The following ADGRB3 variants were observed in gnomAD, a reference collection of about 807,000 sequenced individuals.
The protein encoded by ADGRB3 is brain-specific angiogenesis inhibitor 3.
In ADGRB3, 37 loss-of-function variants were observed where a neutral mutation model predicts 193.4. That is an observed-to-expected ratio of 0.19 (90% confidence interval 0.15 to 0.25). The LOEUF is 0.25. Ranked by LOEUF, ADGRB3 falls within the 10% of genes least tolerant of loss-of-function variation. The pLI, the probability that ADGRB3 is intolerant of heterozygous loss-of-function variation, is 1.00. For synonymous variants in ADGRB3, 690 were observed against 644.2 expected, an observed-to-expected ratio of 1.07 and a Z score of -1.08; for missense variants, 1,637 against 1,852.9, an observed-to-expected ratio of 0.88 and a Z score of 2.14.
intron 3 of ADGRB3, among the ~76,000 whole-genome samples, chr6:68,896,127 G>C (rs541585855): frequency 6.6e-6 from 1 of 152,194 alleles, no homozygotes; most frequent in Non-Finnish European, 1.5e-5. Context: ...AGGAGTAGGA[G>C]GATAGGAATT....
At chr6:69,180,530 G>C (rs923775808) in intron 17 of ADGRB3, among the ~76,000 whole-genome samples, 10 of 152,200 alleles carry the variant, frequency 6.6e-5, no homozygotes, top group Non-Finnish European at 1.0e-4. Context: ...TGAATGCCTG[G>C]AGATCTGCCT....
chr6:69,187,508 T>C (rs191620669), intron 17 of ADGRB3, among the ~76,000 whole-genome samples: 1 of 152,332 alleles, frequency 6.6e-6, no homozygotes, highest in Admixed American at 6.5e-5. Context: ...TGAAATTATG[T>C]GACTTCTGTG....
chr6:68,976,302 T>G (rs1768746217), intron 10 of ADGRB3, among the ~76,000 whole-genome samples: 1 of 152,210 alleles, frequency 6.6e-6, no homozygotes, highest in South Asian at 2.1e-4. Context: ...GAAAAGCATT[T>G]TTTTAAAATC....
At chr6:69,065,764 TAC>T (rs3043304) in intron 16 of ADGRB3, among the ~76,000 whole-genome samples, 39,580 of 129,016 alleles carry the variant, frequency 0.31, 5,661 homozygotes, top group Middle Eastern at 0.42. Flanking sequence ...TGTATATATA[TAC>T]ACACACACAC....
chr6:69,244,224 C>A (rs913595591), intron 20 of ADGRB3, among the ~76,000 whole-genome samples: 2 of 151,686 alleles, frequency 1.3e-5, no homozygotes, highest in Admixed American at 6.6e-5. Flanking sequence ...ATTATGTTTT[C>A]TTCTACTTCA....
At chr6:69,104,186 C>G (rs138008386) in intron 17 of ADGRB3, among the ~76,000 whole-genome samples, 4 of 130,400 alleles carry the variant, frequency 3.1e-5, no homozygotes, top group African/African-American at 1.1e-4. Flanking sequence ...TCCCTCCCCC[C>G]TCCCCCGACC....
At chr6:69,221,001 T>C (rs1027477192) in intron 17 of ADGRB3, among the ~76,000 whole-genome samples, 4 of 152,040 alleles carry the variant, frequency 2.6e-5, no homozygotes, top group African/African-American at 9.7e-5. Context: ...GGACAAGCTG[T>C]ATATTTGTCT....
At chr6:69,112,664 A>G (rs569496725) in intron 17 of ADGRB3, among the ~76,000 whole-genome samples, 60 of 152,328 alleles carry the variant, frequency 3.9e-4, no homozygotes, top group African/African-American at 1.4e-3. Flanking sequence ...AAAATTAAAC[A>G]AAAATAAAAA....
At chr6:68,962,783 T>C (rs1768271569) in intron 8 of ADGRB3, among the ~76,000 whole-genome samples, 1 of 152,192 alleles carries the variant, frequency 6.6e-6, no homozygotes, top group African/African-American at 2.4e-5. Context: ...ATCTGAATAT[T>C]GGTCTTTGAT....
chr6:68,968,299 G>A (rs1768450749), intron 8 of ADGRB3, among the ~76,000 whole-genome samples: 2 of 152,118 alleles, frequency 1.3e-5, no homozygotes, highest in South Asian at 2.1e-4. Flanking sequence ...ACATTTGACC[G>A]TGGGGGAGGG....
intron 17 of ADGRB3, among the ~76,000 whole-genome samples, chr6:69,079,635 G>A (rs1772330909): frequency 6.6e-6 from 1 of 151,940 alleles, no homozygotes. Flanking sequence ...GAAGTTATAT[G>A]TTCTTTTAAA....
At chr6:69,337,853 C>CT (rs1459253067) in intron 24 of ADGRB3, among the ~76,000 whole-genome samples, 1 of 152,122 alleles carries the variant, frequency 6.6e-6, no homozygotes, top group Non-Finnish European at 1.5e-5. Context: ...TCTTCTGCCA[C>CT]TTTTTTTATA....
intron 3 of ADGRB3, among the ~76,000 whole-genome samples, chr6:68,765,083 G>T (rs139236332): frequency 1.3e-5 from 2 of 151,974 alleles, no homozygotes; most frequent in South Asian, 2.1e-4. Flanking sequence ...AGATTCTCAG[G>T]GTTCATGTGA....
chr6:69,003,243 T>A (rs1769635915), intron 11 of ADGRB3, among the ~76,000 whole-genome samples: 1 of 152,176 alleles, frequency 6.6e-6, no homozygotes, highest in African/African-American at 2.4e-5. Context: ...CTACTGCCAA[T>A]GCAGATATGT....
intron 3 of ADGRB3, among the ~76,000 whole-genome samples, chr6:68,779,650 A>C (rs1415127473): frequency 1.3e-5 from 2 of 152,078 alleles, no homozygotes; most frequent in African/African-American, 4.8e-5. Flanking sequence ...CACTGTGCCA[A>C]ATTAATCTAG....
At chr6:69,274,746 G>T (rs1282108493) in intron 20 of ADGRB3, among the ~76,000 whole-genome samples, 2 of 151,784 alleles carry the variant, frequency 1.3e-5, no homozygotes, top group East Asian at 1.9e-4. Flanking sequence ...TGAAAGACTG[G>T]CTCTGAAAGA....
chr6:68,858,484 A>T (rs1765051487), intron 3 of ADGRB3, among the ~76,000 whole-genome samples: 1 of 137,354 alleles, frequency 7.3e-6, no homozygotes, highest in Admixed American at 7.6e-5. Flanking sequence ...AGCCCAGGTG[A>T]CAGTGCAACA....
intron 10 of ADGRB3, among the ~76,000 whole-genome samples, chr6:68,983,751 T>C (rs1054357707): frequency 3.9e-5 from 6 of 151,980 alleles, no homozygotes; most frequent in Non-Finnish European, 7.4e-5. Flanking sequence ...TTAAAAATAA[T>C]TACAAATTCT....
intron 20 of ADGRB3, among the ~76,000 whole-genome samples, chr6:69,317,507 C>A (rs543337441): frequency 2.5e-4 from 38 of 151,446 alleles, no homozygotes; most frequent in Non-Finnish European, 1.2e-4. Flanking sequence ...CTATTCTGTA[C>A]GTCGATTTTT....
Sources: gnomAD v4.1 joint callset for allele counts (sites outside exome capture counted in the v4.1 genomes callset) on GRCh38, gnomAD v4.1.1 for gene constraint, MANE v1.5 for transcripts, NCBI Gene and HGNC (gene_info 2026-07-23, HGNC 2026-07-21) for gene names.